Variants in ATP1A3 observed in about 807,000 individuals in gnomAD.
The protein encoded by ATP1A3 is sodium/potassium-transporting ATPase subunit alpha-3.
Under a neutral mutation model 108.8 loss-of-function variants are expected in ATP1A3, and 12 were observed. That is an observed-to-expected ratio of 0.11 (90% confidence interval 0.07 to 0.18). ATP1A3 has a LOEUF of 0.18. ATP1A3 is among the 10% of genes least tolerant of loss of function. The pLI is 1.00. For missense variants in ATP1A3, 498 were observed against 1,387.7 expected, an observed-to-expected ratio of 0.36 and a Z score of 10.19; for synonymous variants, 539 against 564.5, an observed-to-expected ratio of 0.95 and a Z score of 0.64.
intron 16 of ATP1A3, among the ~76,000 whole-genome samples, chr19:41,970,780 T>G (rs377456614): frequency 2.0e-5 from 3 of 151,314 alleles, no homozygotes; most frequent in South Asian, 4.2e-4. Flanking sequence ...TACAGGCACC[T>G]GCCACCACGC....
Position 41,967,771 on chromosome 19 carries a change from C to G in ATP1A3, c.2820-8G>C. On this transcript the variant is annotated splice_polypyrimidine_tract_variant and splice_region_variant and intron_variant, in intron 20 of 22. Coordinates refer to ENST00000648268, the MANE Select transcript of ATP1A3 (RefSeq NM_152296.5). The surrounding 1 kb of genome is among the most constrained non-coding windows in gnomAD (Gnocchi z 4.2). ...AAGATCAGGATCTTGTTCCTGGAGG[C>G]ACAGAAGGGCAGGGCTGGGCCCAGA... The G allele has an allele frequency of 6.2e-7, 1 of 1,613,298 alleles. No individual in the cohort carries two copies. The highest frequency in any genetic ancestry group is 8.5e-7 in the Non-Finnish European group (1 of 1,179,678).
In ATP1A3 at chr19:41,966,712, G is replaced by A; in HGVS notation, c.*225C>T. ...GGAGGAATGGATAGAGGGGTGAGGA[G>A]AGGGAGAGAAACTGACACAGAAAAG... On this transcript the variant is annotated 3_prime_UTR_variant, in exon 23 of 23. Coordinates refer to ENST00000648268, the MANE Select transcript of ATP1A3 (RefSeq NM_152296.5). 6.5e-7 allele frequency: 1 copy of A among 1,539,230 alleles called. No individual in the cohort carries two copies. The highest frequency in any genetic ancestry group is 1.2e-5 in the South Asian group (1 of 83,002).
intron 1 of ATP1A3, among the ~76,000 whole-genome samples, chr19:41,990,403 A>C (rs1157717150): frequency 7.5e-5 from 6 of 80,206 alleles, no homozygotes; most frequent in Admixed American, 4.0e-4. Context: ...CTCCTTCCCC[A>C]TATATCTCTC....
rs1555858848 is a variant in ATP1A3, at chr19:41,967,344, C to T, written c.2922-4G>A. 6.2e-7 allele frequency: 1 copy of T among 1,606,252 alleles called. No individual in the cohort carries two copies. The highest frequency in any genetic ancestry group is 1.1e-5 in the South Asian group (1 of 91,082). On this transcript the variant is annotated splice_region_variant and splice_polypyrimidine_tract_variant and intron_variant, in intron 21 of 22. Transcript: ENST00000648268. This position sits in a 1 kb window ranked among gnomAD's most constrained non-coding sequence, Gnocchi z 4.2. ...GGCACAGAACCACCAGCTGGGCCTG[C>T]AGAGGGGAGAGCAGGAGGGCTTGAG...
chr19:41,988,106 C>T lies in ATP1A3; in HGVS notation c.187G>A (p.Ala63Thr). 6.2e-7 allele frequency: 1 copy of T among 1,614,136 alleles called. No individual in the cohort carries two copies. The highest frequency in any genetic ancestry group is 1.1e-5 in the South Asian group (1 of 91,074). Reference protein sequence around the residue: ...LTHSKAQEILARDGPNALTPP... With the variant: ...LTHSKAQEILTRDGPNALTPP... ...GTGAGTGCGTTAGGCCCATCCCGGGCCAGGATCTCCTGGGCTTTGCTGTGG... is the reference window on the plus strand; with the variant it reads ...GTGAGTGCGTTAGGCCCATCCCGGGTCAGGATCTCCTGGGCTTTGCTGTGG... The change falls in exon 4 of 23, where the codon GCC (alanine) becomes ACC (threonine). Residue 63 changes from alanine to threonine, a missense_variant. By Grantham distance (58) the Ala-to-Thr change is moderately conservative. Coordinates refer to ENST00000648268, the MANE Select transcript of ATP1A3 (RefSeq NM_152296.5). This position sits in a 1 kb window ranked among gnomAD's most constrained non-coding sequence, Gnocchi z 5.3.
At position 41,981,280 on chromosome 19, in the gene ATP1A3, T is replaced by C. The variant is rs2075228694; in HGVS notation, c.1437+222A>G. On this transcript the variant is annotated intron_variant, in intron 11 of 22. Coordinates refer to ENST00000648268, the MANE Select transcript of ATP1A3 (RefSeq NM_152296.5). This position sits in a 1 kb window ranked among gnomAD's most constrained non-coding sequence, Gnocchi z 5.0. ...TCCCAAAGTTCTGGTGTTAAAGGTG[T>C]GAGCCACCGCGCCTGGCCTGCAGGA... Among the ~76,000 whole-genome samples, 2 of 152,020 alleles carry C rather than the reference T, an allele frequency of 1.3e-5. No individual in the cohort carries two copies. The highest frequency in any genetic ancestry group is 1.3e-4 in the Admixed American group (2 of 15,252).
chr19:41,978,419 C>T lies in ATP1A3; in HGVS notation c.1631-93G>A. The stretch of plus-strand genomic sequence containing the variant: ...GTCTGCATCGCCCGCATTCCATCTC[C>T]CCATCAGCAAGACGGCCAGTCAGCA... On this transcript the variant is annotated intron_variant, in intron 12 of 22. Transcript: ENST00000648268. The surrounding 1 kb of genome is among the most constrained non-coding windows in gnomAD (Gnocchi z 8.3). 3 of 1,503,124 alleles carry T rather than the reference C, an allele frequency of 2.0e-6. No individual in the cohort carries two copies. Among genetic ancestry groups the T allele is most frequent in the South Asian group, 2.4e-5 (2 of 83,596 alleles). The allele number at this position is 1,503,124 out of a possible 1,614,324, so 93.1% of individuals were successfully genotyped here.
chr19:41,990,197 C>T (rs2075323543), intron 1 of ATP1A3, among the ~76,000 whole-genome samples: 1 of 151,998 alleles, frequency 6.6e-6, no homozygotes, highest in Non-Finnish European at 1.5e-5. Context: ...TTCAACCTCT[C>T]TCTGTCTCTC....
intron 11 of ATP1A3, among the ~76,000 whole-genome samples, chr19:41,979,637 A>T (rs2075209529): frequency 6.6e-6 from 1 of 152,136 alleles, no homozygotes; most frequent in Non-Finnish European, 1.5e-5. Context: ...AATGTCCAGA[A>T]TAGGCAAAAC....
chr19:41,993,948 C>G (rs1006587044), intron 1 of ATP1A3, 123 bp downstream of exon 1: 2 of 1,533,028 alleles, frequency 1.3e-6, no homozygotes, highest in Non-Finnish European at 1.8e-6. Flanking sequence ...AGCCGGCTCC[C>G]CGGGTCTCGC....
At chr19:41,983,293 G>T (rs58945601) in intron 8 of ATP1A3, among the ~76,000 whole-genome samples, 3 of 151,828 alleles carry the variant, frequency 2.0e-5, no homozygotes, top group African/African-American at 7.3e-5. Flanking sequence ...GGCCAGGCTG[G>T]TCTTGAACTC....
chr19:41,980,027 A>G (rs2145968534), intron 11 of ATP1A3, among the ~76,000 whole-genome samples: 1 of 152,206 alleles, frequency 6.6e-6, no homozygotes, highest in South Asian at 2.1e-4. Context: ...CCTGGCTCCC[A>G]GCCCCTCTGC....
intron 4 of ATP1A3, among the ~76,000 whole-genome samples, chr19:41,987,564 G>C (rs992197545): frequency 6.6e-6 from 1 of 152,194 alleles, no homozygotes; most frequent in Admixed American, 6.5e-5. Flanking sequence ...ATGTGTCCCT[G>C]TGTTATGGGG....
chr19:41,985,121 C>T lies in ATP1A3; in HGVS notation c.790G>A (p.Ala264Thr). The T allele has an allele frequency of 6.2e-7, 1 of 1,613,992 alleles. No individual in the cohort carries two copies. Reference protein sequence around the residue: ...RTVMGRIATLASGLEVGKTPI... With the variant: ...RTVMGRIATLTSGLEVGKTPI... ...GTCTTGCCCACCTCCAGCCCTGATGCCAGGGTGGCGATACGGCCCATGACA... is the reference window on the plus strand; with the variant it reads ...GTCTTGCCCACCTCCAGCCCTGATGTCAGGGTGGCGATACGGCCCATGACA... Residue 264 changes from alanine (A) to threonine (T), a missense_variant, in exon 8 of 23, where the codon GCA (alanine) becomes ACA (threonine). By Grantham distance (58) the Ala-to-Thr change is moderately conservative. This residue lies in a region of ATP1A3 where 127 missense variants were observed against 464.0 expected (regional missense o/e 0.27). Transcript: ENST00000648268. The surrounding 1 kb of genome is among the most constrained non-coding windows in gnomAD (Gnocchi z 8.2).
intron 18 of ATP1A3, among the ~76,000 whole-genome samples, 198 bp downstream of exon 18, chr19:41,969,987 A>T (rs1433646988): frequency 6.6e-6 from 1 of 151,420 alleles, no homozygotes; most frequent in Non-Finnish European, 1.5e-5. Context: ...TCCTCTGGGG[A>T]TCCGCACACA....
Position 41,976,745 on chromosome 19 carries a change from G to A in ATP1A3, c.1944-179C>T, listed in dbSNP as rs534982175. Among the ~76,000 whole-genome samples the A allele has an allele frequency of 7.9e-5, 12 of 152,258 alleles. No individual in the cohort carries two copies. The South Asian group carries it at 1.2e-3, about 16-fold the overall frequency. ...GAGAAGGGGGCTACTGCAGCAGGGCGTGCGGGCAGACCTGAGGAAGGACTT... is the reference window on the plus strand; with the variant it reads ...GAGAAGGGGGCTACTGCAGCAGGGCATGCGGGCAGACCTGAGGAAGGACTT... On this transcript the variant is annotated intron_variant, in intron 14 of 22. Transcript: ENST00000648268.
chr19:41,993,857 C>A, intron 1 of ATP1A3: 2 of 886,286 alleles, frequency 2.3e-6, no homozygotes, highest in Admixed American at 5.5e-5. Context: ...CGCGGATCTC[C>A]GCACACAAAG....
chr19:41,976,693 G>A (rs2075174513), intron 14 of ATP1A3, 127 bp from the exon 15 acceptor site: 1 of 1,360,024 alleles, frequency 7.4e-7, no homozygotes, highest in South Asian at 1.2e-5. Context: ...CAGGGGCTGG[G>A]GGAAGAGGCC....
intron 16 of ATP1A3, 84 bp from the exon 17 acceptor site, chr19:41,970,626 CTTTTTTT>C (rs1168002399): frequency 8.4e-5 from 65 of 771,164 alleles, no homozygotes; most frequent in East Asian, 1.6e-4. Flanking sequence ...ATCCAACGTC[CTTTTTTT>C]TTTTTTTTTT....
Sources: allele counts gnomAD v4.1 joint callset (sites outside exome capture counted in the v4.1 genomes callset), GRCh38; gene constraint gnomAD v4.1.1; regional missense constraint gnomAD v4.1.1; non-coding constraint Gnocchi (gnomAD v3.1); transcripts MANE v1.5; gene names NCBI Gene and HGNC (gene_info 2026-07-23, HGNC 2026-07-21).